Variants in FAM151B observed in about 807,000 individuals in gnomAD.
The protein encoded by FAM151B is family with sequence similarity 151 member B.
In FAM151B, 24 loss-of-function variants were observed where a neutral mutation model predicts 31.2. The observed-to-expected ratio is 0.77, with a 90% confidence interval of 0.56 to 1.08. FAM151B has a LOEUF of 1.08. FAM151B is among the 50% of genes least tolerant of loss of function. The probability of loss-of-function intolerance (pLI) is 0.00; values close to 1 mark genes in which losing one functional copy is unlikely to be tolerated. For synonymous variants in FAM151B, 105 were observed against 111.4 expected (o/e 0.94, Z 0.36); for missense variants, 293 against 328.6 (o/e 0.89, Z 0.84).
At chr5:80,529,677 G>T (rs1745139168) in intron 5 of FAM151B, among the ~76,000 whole-genome samples, 1 of 152,118 alleles carries the variant, frequency 6.6e-6, no homozygotes, top group Non-Finnish European at 1.5e-5. Flanking sequence ...ACCCTCCCAA[G>T]ACTAAACCAG....
rs1254693761 is a variant in FAM151B at position 80,501,795 on chromosome 5, C to G, written c.29C>G (p.Ser10Cys). The G allele has an allele frequency of 2.5e-6, 4 of 1,595,646 alleles. No homozygotes were observed. The South Asian group carries it at 4.5e-5, about 18-fold the overall frequency. Residue 10 changes from serine to cysteine, a missense_variant, in exon 2 of 6, where the codon TCT (serine) becomes TGT (cysteine). By Grantham distance (112) the Ser-to-Cys change is moderately radical. Coordinates refer to ENST00000282226, the MANE Select transcript of FAM151B (RefSeq NM_205548.3). MAASAGGPG[S>C]WSENILEYFL... Reference sequence around the variant, plus strand: ...CATGTAAACACTGTTATTTTAGGATCTTGGAGTGAAAATATACTGGAATAT... The same window carrying G: ...CATGTAAACACTGTTATTTTAGGATGTTGGAGTGAAAATATACTGGAATAT...
intron 3 of FAM151B, among the ~76,000 whole-genome samples, chr5:80,518,243 A>G (rs1223114325): frequency 1.3e-5 from 2 of 152,140 alleles, no homozygotes; most frequent in African/African-American, 4.8e-5. Context: ...CAGATTTCTT[A>G]AGAAATCAGA....
chr5:80,519,653 C>T, intron 3 of FAM151B, 40 bp from the exon 4 acceptor site: 2 of 1,554,462 alleles, frequency 1.3e-6, no homozygotes, highest in Non-Finnish European at 1.8e-6. Context: ...TTTACTTTAC[C>T]TAAAGAATCT....
At chr5:80,536,647 G>T (rs998306415) in intron 5 of FAM151B, among the ~76,000 whole-genome samples, 4 of 152,148 alleles carry the variant, frequency 2.6e-5, no homozygotes, top group Admixed American at 6.5e-5. Context: ...AGCAACCAAA[G>T]TGTTCATCAA....
chr5:80,532,440 C>T (rs1382310660), intron 5 of FAM151B, among the ~76,000 whole-genome samples: 2 of 152,136 alleles, frequency 1.3e-5, no homozygotes, highest in African/African-American at 4.8e-5. Context: ...GGAGTCAGTT[C>T]AGCAAGAGGA....
rs1424693657 is a variant in FAM151B at position 80,528,949 on chromosome 5, A to G, written c.671+6811A>G. Among the ~76,000 whole-genome samples the G allele has an allele frequency of 2.0e-5, 3 of 152,298 alleles. No homozygotes were observed. The East Asian group carries it at 5.8e-4, about 29-fold the overall frequency. On this transcript the variant is annotated intron_variant, in intron 5 of 5. Transcript: ENST00000282226. ...CAAAATATACATTCTTCTCAGCACC[A>G]CATCGCATTTATTCCAAAATTGACC...
Position 80,538,556 on chromosome 5 carries a change from CCTTCCTTCCTTCCT to C in FAM151B, c.672-3116_672-3103del, listed in dbSNP as rs1453989332. ...TCCTTCCTTCCTTCCTTCCTTCCTT[CCTTCCTTCCTTCCT>C]TCCCTCCCTTCCTTTCCTCCTTTCT... On this transcript the variant is annotated intron_variant, in intron 5 of 5. Coordinates refer to ENST00000282226, the MANE Select transcript of FAM151B (RefSeq NM_205548.3). 7.8e-3 allele frequency among the ~76,000 whole-genome samples: 1,052 copies of C among 134,332 alleles called. 22 individuals are homozygous for C. Among genetic ancestry groups the C allele is most frequent in the Non-Finnish European group, 0.012 (779 of 63,388 alleles). The allele number at this position is 134,332 out of a possible 152,430, so 88.1% of individuals were successfully genotyped here. A position where few individuals can be genotyped will look rare whatever the true frequency, so the allele number is the denominator to read the frequency against.
chr5:80,493,386 A>G (rs180979972), intron 1 of FAM151B, among the ~76,000 whole-genome samples: 1 of 152,302 alleles, frequency 6.6e-6, no homozygotes, highest in East Asian at 1.9e-4. Flanking sequence ...TTTGAACAGT[A>G]TGAAATCAGT....
rs115844300 is a variant in FAM151B, at chr5:80,535,658, C to T, written c.672-6015C>T. Among the ~76,000 whole-genome samples, 544 of 152,260 alleles carry T rather than the reference C, an allele frequency of 3.6e-3. 3 individuals carry two copies. Among genetic ancestry groups the T allele is most frequent in the African/African-American group, 0.013 (529 of 41,560 alleles). ...CTACTGCAAGAAAACATTGGGGAAA[C>T]CCTTGAAGACATTGGTCTTGGCAAA... On this transcript the variant is annotated intron_variant, in intron 5 of 5. Transcript: ENST00000282226.
chr5:80,510,959 A>G (rs530375209), intron 2 of FAM151B: 3 of 152,356 alleles, frequency 2.0e-5, no homozygotes, highest in Admixed American at 6.5e-5. Flanking sequence ...CTGTTTGACC[A>G]TCAGTATTGT....
At position 80,541,792 on chromosome 5, in the gene FAM151B, A is replaced by G. The variant is rs555553887; in HGVS notation, c.791A>G (p.His264Arg). Residue 264 changes from histidine to arginine, a missense_variant, in exon 6 of 6, where the codon CAT becomes CGT. Coordinates refer to ENST00000282226, the MANE Select transcript of FAM151B (RefSeq NM_205548.3). ...TATGACATCTTGGAACCACAAAACC[A>G]TGAATTTAAACAAGCCATTGGAATC... Reference protein sequence around the residue: ...VFYDILEPQNHEFKQAIGIKV... With the variant: ...VFYDILEPQNREFKQAIGIKV... 16 of 1,613,452 alleles carry G rather than the reference A, an allele frequency of 9.9e-6. No individual in the cohort carries two copies. Among genetic ancestry groups the G allele is most frequent in the South Asian group, 4.4e-5 (4 of 91,012 alleles).
intron 5 of FAM151B, among the ~76,000 whole-genome samples, chr5:80,524,962 GA>G (rs1447895855): frequency 6.6e-6 from 1 of 152,112 alleles, no homozygotes; most frequent in Non-Finnish European, 1.5e-5. Flanking sequence ...TTGTTAAATG[GA>G]AAAACCAAAT....
At chr5:80,500,623 C>T in intron 1 of FAM151B, 3 of 761,514 alleles carry the variant, frequency 3.9e-6, no homozygotes, top group Non-Finnish European at 7.2e-6. Flanking sequence ...TCAGAGGTGT[C>T]AGTGGTGTGA....
chr5:80,537,783 C>A (rs1745585741), intron 5 of FAM151B, among the ~76,000 whole-genome samples: 1 of 152,078 alleles, frequency 6.6e-6, no homozygotes, highest in South Asian at 2.1e-4. Flanking sequence ...AAACTACCAG[C>A]TTCTGTCATA....
chr5:80,530,011 A>G (rs573944759), intron 5 of FAM151B, among the ~76,000 whole-genome samples: 48 of 152,292 alleles, frequency 3.2e-4, no homozygotes, highest in African/African-American at 1.1e-3. Context: ...ACCAAATCCA[A>G]CAGCACATCA....
intron 3 of FAM151B, among the ~76,000 whole-genome samples, chr5:80,514,017 A>G (rs975661199): frequency 1.3e-5 from 2 of 152,230 alleles, no homozygotes; most frequent in Non-Finnish European, 2.9e-5. Context: ...GACAACAGAA[A>G]GGTAAATTAA....
intron 2 of FAM151B, among the ~76,000 whole-genome samples, chr5:80,512,838 T>G (rs1411785649): frequency 6.6e-6 from 1 of 152,178 alleles, no homozygotes; most frequent in African/African-American, 2.4e-5. Flanking sequence ...AAAGAATTTT[T>G]AAAATTATTT....
intron 5 of FAM151B, among the ~76,000 whole-genome samples, chr5:80,538,992 C>CTTTTTTTT (rs11309479): frequency 8.5e-6 from 1 of 117,104 alleles, no homozygotes. Context: ...TTTCCTTCCT[C>CTTTTTTTT]TTTTTTTTTT....
rs370947165 is a variant in FAM151B at position 80,488,107 on chromosome 5, C to G, written c.-17C>G. ...GCGCCAGCCTGGGCGCCTGCGCGGA[C>G]GGCGGGCGTCGTCACCATGGCAGCA... On this transcript the variant is annotated 5_prime_UTR_variant, in exon 1 of 6. Transcript: ENST00000282226. The G allele has an allele frequency of 6.5e-7, 1 of 1,539,988 alleles. No homozygotes were observed. Among genetic ancestry groups the G allele is most frequent in the East Asian group, 2.5e-5 (1 of 40,704 alleles).
Sources: allele counts gnomAD v4.1 joint callset (sites outside exome capture counted in the v4.1 genomes callset), GRCh38; gene constraint gnomAD v4.1.1; transcripts MANE v1.5; gene names NCBI Gene and HGNC (gene_info 2026-07-23, HGNC 2026-07-21).